Variants in ASTN1 observed in about 807,000 individuals in gnomAD.
The protein encoded by ASTN1 is astrotactin-1.
Under a neutral mutation model 140.7 loss-of-function variants are expected in ASTN1, and 41 were observed. The ratio of observed to expected loss-of-function variants is 0.29; its 90% CI spans 0.23 to 0.38. The LOEUF is 0.38. Ranked by LOEUF, ASTN1 falls within the 10% of genes least tolerant of loss-of-function variation. The pLI is 1.00. For missense variants in ASTN1, 1,479 were observed against 1,678.8 expected (o/e 0.88, Z 2.08); for synonymous variants, 640 against 652.2 (o/e 0.98, Z 0.29).
intron 1 of ASTN1, among the ~76,000 whole-genome samples, chr1:177,159,235 A>G (rs1275793024): frequency 1.3e-5 from 2 of 152,178 alleles, no homozygotes; most frequent in Non-Finnish European, 2.9e-5. Flanking sequence ...GTAGAGAAAC[A>G]GTAAATAATA....
rs2101976997 is a variant in ASTN1 at position 177,032,610 on chromosome 1, A to G, written c.711T>C (p.Pro237=). The change falls in exon 3 of 23, where the codon CCT becomes CCC. Residue 237 remains proline, a synonymous_variant. Coordinates refer to ENST00000361833, the MANE Select transcript of ASTN1 (RefSeq NM_004319.3). The part of the protein sequence containing the change: ...SSGTLSIRET[P]ILDGYEYDIT... Reference sequence around the variant, plus strand: ...TGTCATACTCATAGCCGTCCAGGATAGGTGTCTCCCGGATGCTCAGGGTGC... The same window carrying G: ...TGTCATACTCATAGCCGTCCAGGATGGGTGTCTCCCGGATGCTCAGGGTGC... 1.2e-6 allele frequency: 2 copies of G among 1,614,184 alleles called. No homozygotes were observed. Among genetic ancestry groups the G allele is most frequent in the Non-Finnish European group, 1.7e-6 (2 of 1,180,040 alleles).
intron 1 of ASTN1, among the ~76,000 whole-genome samples, chr1:177,124,932 C>T (rs776153213): frequency 2.0e-5 from 3 of 152,212 alleles, no homozygotes; most frequent in African/African-American, 4.8e-5. Context: ...TCCTCTCACA[C>T]GCCAACCCAT....
chr1:176,943,612 T>C (rs1277291967), intron 14 of ASTN1, among the ~76,000 whole-genome samples: 1 of 152,228 alleles, frequency 6.6e-6, no homozygotes, highest in East Asian at 1.9e-4. Flanking sequence ...CCCCAAGAAC[T>C]CTAAGCAACC....
intron 8 of ASTN1, chr1:176,976,713 G>C (rs1051237438): frequency 9.2e-5 from 14 of 152,186 alleles, no homozygotes; most frequent in Admixed American, 9.2e-4. Context: ...CTCTGGTTCT[G>C]CATCTCAAGG....
At position 176,862,549 on chromosome 1, in the gene ASTN1, G is replaced by A; in HGVS notation, c.*1735C>T. On this transcript the variant is annotated 3_prime_UTR_variant, in exon 23 of 23. Transcript: ENST00000361833. ...GAGCTTGGACAGTTGTGTGCCAGAT[G>A]ATACTGAAAACAGAACTGGGTATCC... 1 of 985,418 alleles carries A rather than the reference G, an allele frequency of 1.0e-6. No homozygotes were observed. Among genetic ancestry groups the A allele is most frequent in the Non-Finnish European group, 1.2e-6 (1 of 829,946 alleles). The allele number at this position is 985,418 out of a possible 1,614,324, so 61.0% of individuals were successfully genotyped here.
At chr1:176,901,516 G>T (rs2103047429) in intron 16 of ASTN1, among the ~76,000 whole-genome samples, 1 of 152,322 alleles carries the variant, frequency 6.6e-6, no homozygotes, top group Middle Eastern at 3.4e-3. Context: ...GCAGTTGGAT[G>T]TAGCTCCGGG....
chr1:176,941,582 G>C (rs1183501710), intron 14 of ASTN1, among the ~76,000 whole-genome samples: 1 of 152,136 alleles, frequency 6.6e-6, no homozygotes, highest in Non-Finnish European at 1.5e-5. Flanking sequence ...CACCAGGTTT[G>C]GATCTTTCCT....
At chr1:176,927,493 G>A (rs1460565535) in intron 16 of ASTN1, among the ~76,000 whole-genome samples, 1 of 152,176 alleles carries the variant, frequency 6.6e-6, no homozygotes, top group Admixed American at 6.5e-5. Flanking sequence ...TAGTGCATCA[G>A]GTGAGGGTTA....
rs1001653991 is a variant in ASTN1, at chr1:177,110,318, T to G, written c.284-49053A>C. Among the ~76,000 whole-genome samples, 4 of 152,354 alleles carry G rather than the reference T, an allele frequency of 2.6e-5. No homozygotes were observed. The East Asian group carries it at 7.7e-4, about 29-fold the overall frequency. ...GACTAAGTTAGAATGAGTTCCTAAG[T>G]GTAAAAATAAGTAACATTTCAAAGT... On this transcript the variant is annotated intron_variant, in intron 1 of 22. Coordinates refer to ENST00000361833, the MANE Select transcript of ASTN1 (RefSeq NM_004319.3).
At chr1:177,157,294 T>TTTGTTG (rs140297923) in intron 1 of ASTN1, among the ~76,000 whole-genome samples, 4 of 151,916 alleles carry the variant, frequency 2.6e-5, no homozygotes, top group Non-Finnish European at 4.4e-5. Context: ...AACTGTTCTT[T>TTTGTTG]TTGTTGTTGT....
At chr1:176,965,298 T>A (rs1028233018) in intron 8 of ASTN1, 61 bp from the exon 9 acceptor site, 3 of 1,558,854 alleles carry the variant, frequency 1.9e-6, no homozygotes, top group South Asian at 1.1e-5. Flanking sequence ...GAACACCCAC[T>A]TCGTATCAGG....
chr1:177,102,780 G>A (rs1224615376), intron 1 of ASTN1, among the ~76,000 whole-genome samples: 1 of 152,152 alleles, frequency 6.6e-6, no homozygotes, highest in Non-Finnish European at 1.5e-5. Flanking sequence ...CACCTTCAAT[G>A]TGTCTAATTT....
chr1:176,882,082 C>T (rs976657214), intron 20 of ASTN1, among the ~76,000 whole-genome samples: 8 of 152,280 alleles, frequency 5.3e-5, no homozygotes, highest in Admixed American at 2.0e-4. Flanking sequence ...TACATCTCTG[C>T]GTCACAAACA....
In ASTN1 at chr1:176,900,371, G is replaced by A. The variant is rs571738752; in HGVS notation, c.2672-5541C>T. Among the ~76,000 whole-genome samples, 6 of 152,250 alleles carry A rather than the reference G, an allele frequency of 3.9e-5. No individual in the cohort carries two copies. The East Asian group carries it at 5.8e-4, about 15-fold the overall frequency. On this transcript the variant is annotated intron_variant, in intron 16 of 22. Transcript: ENST00000361833. ...CTCTCCTCAGCAGCTATTCCTCGTC[G>A]TGCAGGTCCTAACTCAGCAAAACGC...
intron 2 of ASTN1, among the ~76,000 whole-genome samples, chr1:177,057,155 T>C (rs1269467354): frequency 6.6e-6 from 1 of 152,128 alleles, no homozygotes; most frequent in African/African-American, 2.4e-5. Context: ...AAGGAAGAAA[T>C]GGTACCTCTT....
intron 16 of ASTN1, among the ~76,000 whole-genome samples, chr1:176,933,915 A>G (rs1671319681): frequency 6.6e-6 from 1 of 152,196 alleles, no homozygotes; most frequent in Admixed American, 6.5e-5. Context: ...TGTGATAACT[A>G]ACATAGTAAG....
intron 1 of ASTN1, among the ~76,000 whole-genome samples, chr1:177,071,099 GC>G (rs981050859): frequency 1.6e-4 from 25 of 152,180 alleles, no homozygotes; most frequent in Admixed American, 1.1e-3. Context: ...CAGTTGAGAA[GC>G]CCAGGGCAAG....
chr1:176,961,874 G>A (rs1396620638), intron 9 of ASTN1, among the ~76,000 whole-genome samples: 4 of 152,244 alleles, frequency 2.6e-5, no homozygotes, highest in Non-Finnish European at 5.9e-5. Flanking sequence ...GGAGACAGCT[G>A]GTGCTGACCA....
chr1:176,968,927 G>A (rs1673011090), intron 8 of ASTN1, among the ~76,000 whole-genome samples: 1 of 152,170 alleles, frequency 6.6e-6, no homozygotes, highest in Non-Finnish European at 1.5e-5. Context: ...GGGAAGGCTG[G>A]TGTTGGCAGT....
Sources: gnomAD v4.1 joint callset for allele counts (sites outside exome capture counted in the v4.1 genomes callset) on GRCh38, gnomAD v4.1.1 for gene constraint, MANE v1.5 for transcripts, NCBI Gene and HGNC (gene_info 2026-07-23, HGNC 2026-07-21) for gene names.